HS3ST5: variants seen among roughly 807,000 people sequenced by gnomAD.
HS3ST5 encodes heparan sulfate-glucosamine 3-sulfotransferase 5, also known as heparan sulfate glucosamine 3-O-sulfotransferase 5.
A neutral mutation model predicts 25.4 loss-of-function variants in HS3ST5; 10 were observed. The ratio of observed to expected loss-of-function variants is 0.39; its 90% CI spans 0.24 to 0.67. The LOEUF (loss-of-function observed/expected upper bound fraction) is 0.67, where lower values mean the gene tolerates loss of function less well. HS3ST5 is among the 30% of genes least tolerant of loss of function. The probability of loss-of-function intolerance (pLI) is 0.44; values close to 1 mark genes in which losing one functional copy is unlikely to be tolerated. For missense variants in HS3ST5, 324 were observed against 420.7 expected, an observed-to-expected ratio of 0.77 and a Z score of 2.01; for synonymous variants, 170 against 162.4, an observed-to-expected ratio of 1.05 and a Z score of -0.36.
chr6:114,113,796 G>C (rs1776385843), intron 3 of HS3ST5, among the ~76,000 whole-genome samples: 1 of 151,752 alleles, frequency 6.6e-6, no homozygotes. Context: ...AGTTAACTTG[G>C]TTGAAGAAAG....
chr6:114,146,528 C>G (rs2114948498), intron 3 of HS3ST5, among the ~76,000 whole-genome samples: 1 of 152,242 alleles, frequency 6.6e-6, no homozygotes, highest in East Asian at 1.9e-4. Flanking sequence ...GGCCAATGGC[C>G]AAGAATGTCC....
chr6:114,292,200 T>C (rs936387980), intron 1 of HS3ST5, among the ~76,000 whole-genome samples: 6 of 152,208 alleles, frequency 3.9e-5, no homozygotes, highest in Admixed American at 2.0e-4. Context: ...TGTGGTGCTA[T>C]AACAGAGAAT....
At chr6:114,124,173 A>G (rs1336067621) in intron 3 of HS3ST5, among the ~76,000 whole-genome samples, 1 of 152,100 alleles carries the variant, frequency 6.6e-6, no homozygotes, top group East Asian at 1.9e-4. Flanking sequence ...GCTGTGACTG[A>G]CAACCACCAT....
At chr6:114,092,910 G>A (rs1356433762) in intron 3 of HS3ST5, among the ~76,000 whole-genome samples, 1 of 151,996 alleles carries the variant, frequency 6.6e-6, no homozygotes, top group African/African-American at 2.4e-5. Context: ...CCTGACCTCA[G>A]GTGATCCACC....
chr6:114,236,433 GT>G (rs1406914276), intron 1 of HS3ST5, among the ~76,000 whole-genome samples: 1 of 152,106 alleles, frequency 6.6e-6, no homozygotes, highest in Non-Finnish European at 1.5e-5. Context: ...ATACTTATAT[GT>G]TTTTTCTCAT....
At chr6:114,106,167 T>C (rs1775983153) in intron 3 of HS3ST5, among the ~76,000 whole-genome samples, 1 of 152,072 alleles carries the variant, frequency 6.6e-6, no homozygotes, top group Non-Finnish European at 1.5e-5. Flanking sequence ...GGCAAAGTTT[T>C]CAAGATAATG....
rs1776950940 is a variant in HS3ST5, at chr6:114,342,909, T to C, written c.-1053A>G. 1.3e-5 allele frequency: 2 copies of C among 152,664 alleles called. No homozygotes were observed. The highest frequency in any genetic ancestry group is 4.1e-4 in the South Asian group (2 of 4,848). The allele number at this position is 152,664 out of a possible 1,614,324, so 9.5% of individuals were successfully genotyped here. ...CCCCCAGAGCGCCCGAGCCGGCAGC[T>C]GCCTCCCGGAGACGTGCCCAGCTGT... On this transcript the variant is annotated 5_prime_UTR_variant, in exon 1 of 5. Coordinates refer to ENST00000312719, the MANE Select transcript of HS3ST5 (RefSeq NM_153612.4).
chr6:114,160,620 A>G (rs1047536451), intron 3 of HS3ST5, among the ~76,000 whole-genome samples: 1 of 152,150 alleles, frequency 6.6e-6, no homozygotes, highest in Non-Finnish European at 1.5e-5. Context: ...TCAGTAATAT[A>G]TCCTTACTAT....
At chr6:114,322,562 T>C (rs1054971283) in intron 1 of HS3ST5, among the ~76,000 whole-genome samples, 1 of 152,168 alleles carries the variant, frequency 6.6e-6, no homozygotes, top group Non-Finnish European at 1.5e-5. Flanking sequence ...AAATTCCCTG[T>C]TGATAATGAC....
chr6:114,059,478 T>C (rs72950670), intron 4 of HS3ST5: 19,784 of 152,274 alleles, frequency 0.13, 1,561 homozygotes, highest in East Asian at 0.27. Context: ...CCCAGTGATA[T>C]GGTTTGGCTC....
chr6:114,070,063 A>G (rs547592091), intron 3 of HS3ST5, among the ~76,000 whole-genome samples: 8 of 152,232 alleles, frequency 5.3e-5, no homozygotes, highest in African/African-American at 1.9e-4. Flanking sequence ...TGTACACTGT[A>G]CCCAATATGC....
At chr6:114,202,344 C>T (rs1781061978) in intron 2 of HS3ST5, among the ~76,000 whole-genome samples, 1 of 152,096 alleles carries the variant, frequency 6.6e-6, no homozygotes. Flanking sequence ...TCCCATTGTA[C>T]TGTTTTCTAA....
At chr6:114,140,136 C>T (rs1300913761) in intron 3 of HS3ST5, among the ~76,000 whole-genome samples, 2 of 152,168 alleles carry the variant, frequency 1.3e-5, no homozygotes, top group Non-Finnish European at 1.5e-5. Context: ...TTCAATCCTT[C>T]TATTTATTCA....
chr6:114,088,614 A>G (rs1469971220), intron 3 of HS3ST5, among the ~76,000 whole-genome samples: 2 of 152,174 alleles, frequency 1.3e-5, no homozygotes, highest in African/African-American at 4.8e-5. Context: ...ACCTATCTGC[A>G]TATGCCTTCA....
At chr6:114,330,667 T>C (rs1776356974) in intron 1 of HS3ST5, among the ~76,000 whole-genome samples, 1 of 152,194 alleles carries the variant, frequency 6.6e-6, no homozygotes, top group African/African-American at 2.4e-5. Flanking sequence ...GTACTCCCTT[T>C]ATACATCAGT....
At chr6:114,178,012 ATTATTTAT>A (rs1324735706) in intron 2 of HS3ST5, among the ~76,000 whole-genome samples, 2 of 152,220 alleles carry the variant, frequency 1.3e-5, no homozygotes, top group Non-Finnish European at 2.9e-5. Context: ...GTTTCTACTG[ATTATTTAT>A]TTATCAAAAT....
chr6:114,124,662 C>A (rs1776952632), intron 3 of HS3ST5, among the ~76,000 whole-genome samples: 1 of 148,636 alleles, frequency 6.7e-6, no homozygotes, highest in African/African-American at 2.5e-5. Context: ...ATGGGACCAG[C>A]TAATGAAAAT....
At chr6:114,187,658 A>G (rs1263003366) in intron 2 of HS3ST5, among the ~76,000 whole-genome samples, 1 of 152,182 alleles carries the variant, frequency 6.6e-6, no homozygotes, top group Admixed American at 6.5e-5. Flanking sequence ...CATTACATAA[A>G]CCTAGTTGAC....
intron 1 of HS3ST5, among the ~76,000 whole-genome samples, chr6:114,280,967 T>C (rs1047623575): frequency 6.6e-6 from 1 of 152,040 alleles, no homozygotes; most frequent in Non-Finnish European, 1.5e-5. Flanking sequence ...TAACATAAGA[T>C]AGTAGCCTTG....
Sources: allele counts gnomAD v4.1 joint callset (sites outside exome capture counted in the v4.1 genomes callset), GRCh38; gene constraint gnomAD v4.1.1; transcripts MANE v1.5; gene names NCBI Gene and HGNC (gene_info 2026-07-23, HGNC 2026-07-21).